The following VTI1A variants were observed in gnomAD, a reference collection of about 807,000 sequenced individuals.
VTI1A encodes the protein vesicle transport through interaction with t-SNAREs homolog 1A.
A neutral mutation model predicts 34.9 loss-of-function variants in VTI1A; 22 were observed. The observed-to-expected ratio is 0.63, with a 90% CI of 0.45 to 0.90. The LOEUF is 0.90. Among genes scored for constraint, VTI1A ranks in the 40% least tolerant of loss-of-function variants. The pLI is 0.00. For synonymous variants in VTI1A, 87 were observed against 97.3 expected, an observed-to-expected ratio of 0.89 and a Z score of 0.62; for missense variants, 268 against 275.6, an observed-to-expected ratio of 0.97 and a Z score of 0.20.
chr10:112,690,514 C>CTG (rs1848577380), intron 7 of VTI1A, among the ~76,000 whole-genome samples: 1 of 152,166 alleles, frequency 6.6e-6, no homozygotes, highest in South Asian at 2.1e-4. Context: ...CATTACCCAC[C>CTG]TGTAACCTGT....
rs983825550 is a variant in VTI1A, at chr10:112,785,961, T to A, written c.561-29329T>A. Among the ~76,000 whole-genome samples, 3 of 152,202 alleles carry A rather than the reference T, an allele frequency of 2.0e-5. No homozygotes were observed. The East Asian group carries it at 5.8e-4, about 29-fold the overall frequency. On this transcript the variant is annotated intron_variant, in intron 7 of 7. Transcript: ENST00000393077. ...TTTATACATTCTAGTTCTAGTTGTT[T>A]CATTTACATATACATTTAAGAATTC...
intron 7 of VTI1A, chr10:112,736,749 A>C (rs748642717): frequency 6.5e-7 from 1 of 1,550,040 alleles, no homozygotes. Context: ...AAACAATGTA[A>C]CCTGTCTCTG....
At chr10:112,752,155 AG>A (rs1216860142) in intron 7 of VTI1A, among the ~76,000 whole-genome samples, 1 of 152,242 alleles carries the variant, frequency 6.6e-6, no homozygotes, top group Non-Finnish European at 1.5e-5. Context: ...AGCTGAAAAC[AG>A]GTATAGAAAA....
At chr10:112,535,831 A>G (rs1226020930) in intron 4 of VTI1A, among the ~76,000 whole-genome samples, 2 of 152,224 alleles carry the variant, frequency 1.3e-5, no homozygotes, top group African/African-American at 4.8e-5. Context: ...AACTAAGGGA[A>G]CAATGTAAAT....
chr10:112,516,294 A>G (rs1322558070), intron 3 of VTI1A, among the ~76,000 whole-genome samples: 1 of 152,116 alleles, frequency 6.6e-6, no homozygotes, highest in Non-Finnish European at 1.5e-5. Flanking sequence ...GAGAACAATA[A>G]AACAACAGAT....
chr10:112,615,899 T>G (rs114894607), intron 5 of VTI1A, among the ~76,000 whole-genome samples: 414 of 152,208 alleles, frequency 2.7e-3, no homozygotes, highest in African/African-American at 9.5e-3. Flanking sequence ...GCTAGGAATG[T>G]GCCTAGAGGC....
chr10:112,471,495 G>C lies in VTI1A; in HGVS notation c.264+6838G>C, dbSNP rs531414172. On this transcript the variant is annotated intron_variant, in intron 3 of 7. Transcript: ENST00000393077. Reference sequence around the variant, plus strand: ...TCAAATCTAATCACCTTATGTTTTAGATGAAGAAATGGAGGACTGAGGAGA... The same window carrying C: ...TCAAATCTAATCACCTTATGTTTTACATGAAGAAATGGAGGACTGAGGAGA... Among the ~76,000 whole-genome samples, 55 of 149,422 alleles carry C rather than the reference G, an allele frequency of 3.7e-4. 1 individual carries two copies. Among genetic ancestry groups the C allele is most frequent in the Non-Finnish European group, 7.4e-4 (50 of 67,740 alleles).
intron 5 of VTI1A, among the ~76,000 whole-genome samples, chr10:112,541,748 A>T (rs1466520432): frequency 6.6e-6 from 1 of 152,222 alleles, no homozygotes; most frequent in Non-Finnish European, 1.5e-5. Context: ...AGAGGGACAC[A>T]TGTCCATAAT....
chr10:112,702,577 A>C (rs1005415999), intron 7 of VTI1A, among the ~76,000 whole-genome samples: 3 of 150,026 alleles, frequency 2.0e-5, no homozygotes, highest in Non-Finnish European at 4.4e-5. Flanking sequence ...GTGCCACCAC[A>C]CCCAGCTAAT....
chr10:112,676,827 C>T (rs1004228019), intron 7 of VTI1A, among the ~76,000 whole-genome samples: 2 of 152,148 alleles, frequency 1.3e-5, no homozygotes, highest in African/African-American at 4.8e-5. Context: ...AGGGTAGAAG[C>T]GACTTGAAAC....
intron 5 of VTI1A, among the ~76,000 whole-genome samples, chr10:112,555,395 T>G (rs548834835): frequency 6.6e-6 from 1 of 152,230 alleles, no homozygotes; most frequent in East Asian, 1.9e-4. Flanking sequence ...AGTAGTAGGA[T>G]TTATGTCTAA....
At chr10:112,639,047 A>C (rs1470083530) in intron 5 of VTI1A, among the ~76,000 whole-genome samples, 1 of 152,166 alleles carries the variant, frequency 6.6e-6, no homozygotes, top group African/African-American at 2.4e-5. Flanking sequence ...GCCTGTATCA[A>C]GAAATCCTAC....
chr10:112,576,731 A>G lies in VTI1A; in HGVS notation c.427+38401A>G, dbSNP rs527837899. ...CTGATATTTCAAGAAGCATTCCTTC[A>G]TTCTATATTTGAGTGCCAAATATGT... is the stretch of plus-strand genomic sequence containing the variant. On this transcript the variant is annotated intron_variant, in intron 5 of 7. Coordinates refer to ENST00000393077, the MANE Select transcript of VTI1A (RefSeq NM_145206.4). Among the ~76,000 whole-genome samples, 449 of 152,336 alleles carry G rather than the reference A, an allele frequency of 2.9e-3. 1 individual carries two copies. The highest frequency in any genetic ancestry group is 0.011 in the African/African-American group (440 of 41,570).
chr10:112,630,353 C>T (rs922285821), intron 5 of VTI1A, among the ~76,000 whole-genome samples: 5 of 152,190 alleles, frequency 3.3e-5, no homozygotes, highest in African/African-American at 1.2e-4. Flanking sequence ...TGGGTCACCC[C>T]TCCAGCCCTC....
At chr10:112,574,209 A>G (rs7088750) in intron 5 of VTI1A, among the ~76,000 whole-genome samples, 6,189 of 152,288 alleles carry the variant, frequency 0.041, 449 homozygotes, top group African/African-American at 0.14. Context: ...TTATTACTTC[A>G]AGTATGTCTA....
At chr10:112,623,436 C>CTT (rs36045478) in intron 5 of VTI1A, among the ~76,000 whole-genome samples, 8,172 of 134,014 alleles carry the variant, frequency 0.061, 279 homozygotes, top group Middle Eastern at 0.13. Context: ...TTAAAATAAC[C>CTT]TTTTTTTTTT....
At chr10:112,620,790 CAAA>C (rs58569618) in intron 5 of VTI1A, among the ~76,000 whole-genome samples, 2 of 137,438 alleles carry the variant, frequency 1.5e-5, no homozygotes, top group Non-Finnish European at 1.6e-5. Context: ...AACTCCATCT[CAAA>C]AAAAAAAAAA....
chr10:112,481,114 C>T (rs1286945655), intron 3 of VTI1A, among the ~76,000 whole-genome samples: 1 of 152,098 alleles, frequency 6.6e-6, no homozygotes, highest in Admixed American at 6.5e-5. Flanking sequence ...GCTTTTTCTT[C>T]CATATGGGTT....
the VTI1A span, among the ~76,000 whole-genome samples, chr10:112,845,512 T>TG: frequency 4.7e-3 from 720 of 152,268 alleles, 8 homozygotes; most frequent in African/African-American, 0.016. Context: ...AGAACTAACT[T>TG]GCGCAGCAGC....
Sources: allele counts gnomAD v4.1 joint callset (sites outside exome capture counted in the v4.1 genomes callset), GRCh38; gene constraint gnomAD v4.1.1; transcripts MANE v1.5; gene names NCBI Gene and HGNC (gene_info 2026-07-23, HGNC 2026-07-21).